SRP14: variants seen among roughly 807,000 people sequenced by gnomAD.
SRP14 encodes signal recognition particle 14 kDa protein.
SRP14 carries 1 observed loss-of-function variant against 16.0 expected under a neutral mutation model. The observed-to-expected ratio is 0.06, with a 90% confidence interval of 0.02 to 0.30. The LOEUF is 0.30. Among genes scored for constraint, SRP14 ranks in the 10% least tolerant of loss-of-function variants. The pLI is 1.00. For missense variants in SRP14, 120 were observed against 163.1 expected, an observed-to-expected ratio of 0.74 and a Z score of 1.44; for synonymous variants, 67 against 60.1, an observed-to-expected ratio of 1.12 and a Z score of -0.53.
At chr15:40,038,437 G>A (rs772252414) in intron 2 of SRP14, 43 bp from the exon 3 acceptor site, 2 of 1,340,434 alleles carry the variant, frequency 1.5e-6, no homozygotes, top group Non-Finnish European at 2.1e-6. Context: ...CCGCGTACGT[G>A]GCTGAGCGGC....
chr15:40,038,797 T>C (rs1595446341), intron 2 of SRP14, 79 bp downstream of exon 2: 1 of 1,501,512 alleles, frequency 6.7e-7, no homozygotes, highest in Non-Finnish European at 9.2e-7. Flanking sequence ...AAGGCGGCGG[T>C]CCGCGGCAGA....
chr15:40,037,918 C>G lies in SRP14; in HGVS notation c.210+364G>C, dbSNP rs79582206. On this transcript the variant is annotated intron_variant, in intron 3 of 4. Transcript: ENST00000267884. ...TCTAGCTGCACATTCGCCATGTGAA[C>G]CACAAAGATAAGGAAATAATAGCAT... Among the ~76,000 whole-genome samples the G allele has an allele frequency of 1.9e-3, 284 of 152,204 alleles. 2 individuals carry two copies. Among genetic ancestry groups the G allele is most frequent in the African/African-American group, 6.6e-3 (274 of 41,502 alleles).
intron 4 of SRP14, 103 bp from the exon 5 acceptor site, chr15:40,036,603 G>C (rs981785077): frequency 2.3e-5 from 26 of 1,139,884 alleles, no homozygotes; most frequent in Non-Finnish European, 3.3e-5. Context: ...AATCAGGAAA[G>C]AATATAGCAC....
chr15:40,038,677 A>G, intron 2 of SRP14, 199 bp downstream of exon 2: 1 of 636,968 alleles, frequency 1.6e-6, no homozygotes, highest in Non-Finnish European at 2.7e-6. Flanking sequence ...CATTGTTACC[A>G]GAAGCAACCT....
Position 40,036,912 on chromosome 15 carries a change from A to G in SRP14, c.243+74T>C, listed in dbSNP as rs565030650. 217 of 1,521,920 alleles carry G rather than the reference A, an allele frequency of 1.4e-4. 2 individuals carry two copies. The South Asian group carries it at 2.4e-3, about 17-fold the overall frequency. The allele number at this position is 1,521,920 out of a possible 1,614,324, so 94.3% of individuals were successfully genotyped here. ...CCGGAGAGCAGTGAACCCAAGTATC[A>G]ATCTTACCCAGTGTTCACTATCATA... On this transcript the variant is annotated intron_variant, in intron 4 of 4. Transcript: ENST00000267884.
intron 1 of SRP14, 38 bp downstream of exon 1, chr15:40,039,055 G>A (rs751364362): frequency 1.9e-6 from 3 of 1,607,702 alleles, no homozygotes; most frequent in Admixed American, 1.7e-5. Context: ...TAACGCCTGA[G>A]CCGCCCCCTT....
At chr15:40,036,947 G>C in intron 4 of SRP14, 39 bp downstream of exon 4, 2 of 1,609,646 alleles carry the variant, frequency 1.2e-6, no homozygotes, top group Non-Finnish European at 1.7e-6. Context: ...ACTGACTCTT[G>C]CCCTGAGAAG....
At chr15:40,038,074 C>T (rs1460544043) in intron 3 of SRP14, among the ~76,000 whole-genome samples, 2 of 152,216 alleles carry the variant, frequency 1.3e-5, no homozygotes, top group Non-Finnish European at 2.9e-5. Flanking sequence ...TCCACAAGAG[C>T]TTTAGCAGAA....
At chr15:40,037,103 CG>C in intron 3 of SRP14, 85 bp from the exon 4 acceptor site, 1 of 1,466,376 alleles carries the variant, frequency 6.8e-7, no homozygotes, top group Non-Finnish European at 9.3e-7. Context: ...CAAAAGCCTC[CG>C]GAAGACAATA....
chr15:40,037,276 G>GT, intron 3 of SRP14: 2 of 372,974 alleles, frequency 5.4e-6, no homozygotes, highest in Non-Finnish European at 6.4e-6. Context: ...GGCTCCTTTT[G>GT]GGGAAAAAAA....
In SRP14 at chr15:40,039,090, T is replaced by C. The variant is rs774778643; in HGVS notation, c.24+3A>G. On this transcript the variant is annotated splice_donor_region_variant and intron_variant, in intron 1 of 4. Coordinates refer to ENST00000267884, the MANE Select transcript of SRP14 (RefSeq NM_003134.6). ...TCCCTCGGCCGGCCAGGCCTAGCCA[T>C]ACCTGCTCGCTCTCCAACAACACCA... 1.2e-6 allele frequency: 2 copies of C among 1,612,494 alleles called. No individual in the cohort carries two copies. The highest frequency in any genetic ancestry group is 1.1e-5 in the South Asian group (1 of 90,758).
intron 3 of SRP14, chr15:40,037,469 A>C (rs986676234): frequency 3.0e-6 from 2 of 665,790 alleles, no homozygotes; most frequent in Non-Finnish European, 4.1e-6. Context: ...TAATTCAAGC[A>C]TATTTAAGCA....
chr15:40,035,774 G>A lies in SRP14; in HGVS notation c.*559C>T, dbSNP rs1033833799. 6 of 152,450 alleles carry A rather than the reference G, an allele frequency of 3.9e-5. No homozygotes were observed. The highest frequency in any genetic ancestry group is 1.4e-4 in the African/African-American group (6 of 41,434). The allele number at this position is 152,450 out of a possible 1,614,324, so 9.4% of individuals were successfully genotyped here. On this transcript the variant is annotated 3_prime_UTR_variant, in exon 5 of 5. Coordinates refer to ENST00000267884, the MANE Select transcript of SRP14 (RefSeq NM_003134.6). ...AACCTTTATTCTTGATGACTTTGTA[G>A]TATGTTTCTCCTAAGGTGGTTAAAC...
At position 40,039,150 on chromosome 15, in the gene SRP14, G is replaced by C. The variant is rs570525777; in HGVS notation, c.-34C>G. 9.4e-6 allele frequency: 15 copies of C among 1,602,552 alleles called. No homozygotes were observed. The highest frequency in any genetic ancestry group is 1.3e-5 in the Non-Finnish European group (15 of 1,176,386). On this transcript the variant is annotated 5_prime_UTR_variant, in exon 1 of 5. Transcript: ENST00000267884. ...CGCTGGCTCGACTCCCTCCGCTTAA[G>C]CCCCTAGCAGTGAGAGCCGGAAGTT...
At chr15:40,037,425 C>T in intron 3 of SRP14, 1 of 1,011,846 alleles carries the variant, frequency 9.9e-7, no homozygotes, top group South Asian at 1.7e-5. Flanking sequence ...TTAAACTACT[C>T]CCTCCCCATC....
Position 40,036,720 on chromosome 15 carries a change from T to C in SRP14, c.244-220A>G, listed in dbSNP as rs916689936. ...GTTGCACACATTTTTTACGTTTTTT[T>C]CCAAGGGAAAATTGCAGGCAACTTC... On this transcript the variant is annotated intron_variant, in intron 4 of 4. Transcript: ENST00000267884. The C allele has an allele frequency of 1.8e-5, 12 of 654,556 alleles. No individual in the cohort carries two copies. In the Admixed American group the frequency reaches 2.1e-4, roughly 11 times the overall value. The allele number at this position is 654,556 out of a possible 1,614,324, so 40.5% of individuals were successfully genotyped here. A position where few individuals can be genotyped will look rare whatever the true frequency, so the allele number is the denominator to read the frequency against.
chr15:40,036,212 A>C lies in SRP14; in HGVS notation c.*121T>G, dbSNP rs150964319. On this transcript the variant is annotated 3_prime_UTR_variant, in exon 5 of 5. Coordinates refer to ENST00000267884, the MANE Select transcript of SRP14 (RefSeq NM_003134.6). The stretch of plus-strand genomic sequence containing the variant: ...ATAAACACTGCAACTATTCTTTCCA[A>C]AAGGACCCTAATCTTATGTGAAAAC... 9.6e-5 allele frequency: 144 copies of C among 1,502,486 alleles called. No individual in the cohort carries two copies. In the East Asian group the frequency reaches 2.6e-3, roughly 27 times the overall value. 93.1% of individuals were successfully genotyped at this position (1,502,486 alleles called of 1,614,324 possible). A position where few individuals can be genotyped will look rare whatever the true frequency, so the allele number is the denominator to read the frequency against.
intron 2 of SRP14, 151 bp from the exon 3 acceptor site, chr15:40,038,545 G>C: frequency 1.6e-6 from 1 of 628,504 alleles, no homozygotes; most frequent in Non-Finnish European, 2.8e-6. Flanking sequence ...TCACGGTCTG[G>C]CGAAACCCTG....
rs2035616882 is a variant in SRP14 at position 40,036,202 on chromosome 15, A to G, written c.*131T>C. 6 of 1,468,776 alleles carry G rather than the reference A, an allele frequency of 4.1e-6. No individual in the cohort carries two copies. Among genetic ancestry groups the G allele is most frequent in the Non-Finnish European group, 5.5e-6 (6 of 1,082,950 alleles). The allele number at this position is 1,468,776 out of a possible 1,614,324, so 91.0% of individuals were successfully genotyped here. A position where few individuals can be genotyped will look rare whatever the true frequency, so the allele number is the denominator to read the frequency against. ...CAACTATCCTATAAACACTGCAACT[A>G]TTCTTTCCAAAAGGACCCTAATCTT... On this transcript the variant is annotated 3_prime_UTR_variant, in exon 5 of 5. Transcript: ENST00000267884.
Sources: gnomAD v4.1 joint callset for allele counts (sites outside exome capture counted in the v4.1 genomes callset) on GRCh38, gnomAD v4.1.1 for gene constraint, MANE v1.5 for transcripts, NCBI Gene and HGNC (gene_info 2026-07-23, HGNC 2026-07-21) for gene names.